The following KLHL13 variants were observed in gnomAD, a reference collection of about 807,000 sequenced individuals.
KLHL13 encodes kelch like family member 13, also known as kelch-like protein 13.
In KLHL13, 10 loss-of-function variants were observed where a neutral mutation model predicts 37.1. That is an observed-to-expected ratio of 0.27 (90% CI 0.17 to 0.46). KLHL13 has a LOEUF of 0.46. Among genes scored for constraint, KLHL13 ranks in the 20% least tolerant of loss-of-function variants. The pLI is 1.00. For missense variants in KLHL13, 360 were observed against 509.3 expected, an observed-to-expected ratio of 0.71 and a Z score of 2.82; for synonymous variants, 163 against 181.2, an observed-to-expected ratio of 0.90 and a Z score of 0.81.
At chrX:117,925,927 G>A (rs1931989131) in intron 2 of KLHL13, among the ~76,000 whole-genome samples, 2 of 110,953 alleles carry the variant, frequency 1.8e-5, no homozygotes, top group South Asian at 3.9e-4. Context: ...CCCCCCAACC[G>A]CCACCTGTCT....
chrX:118,051,402 G>A (rs2054612075), intron 1 of KLHL13, among the ~76,000 whole-genome samples: 1 of 109,037 alleles, frequency 9.2e-6, no homozygotes, highest in Non-Finnish European at 1.9e-5. Context: ...TTGGCCGGGC[G>A]TGGTGGCGGG....
At chrX:118,041,818 GACCATAAAACA>G in intron 1 of KLHL13, among the ~76,000 whole-genome samples, 1 of 111,477 alleles carries the variant, frequency 9.0e-6, no homozygotes, top group Middle Eastern at 4.7e-3. Flanking sequence ...AGGAAGAGAA[GACCATAAAACA>G]ACCAGAAAAC....
At chrX:118,075,307 AT>A (rs1485365739) in intron 1 of KLHL13, among the ~76,000 whole-genome samples, 1 of 111,765 alleles carries the variant, frequency 8.9e-6, no homozygotes, top group African/African-American at 3.2e-5. Flanking sequence ...TCAAAAAAAG[AT>A]TTTTTTATAC....
chrX:118,037,004 C>T (rs1418432402), intron 1 of KLHL13, among the ~76,000 whole-genome samples: 1 of 93,196 alleles, frequency 1.1e-5, no homozygotes, highest in African/African-American at 4.0e-5. Context: ...TGCTCACCAT[C>T]ACTGGCCATC....
intron 2 of KLHL13, among the ~76,000 whole-genome samples, chrX:117,940,920 T>C (rs1347964232): frequency 8.9e-6 from 1 of 111,799 alleles, no homozygotes; most frequent in Non-Finnish European, 1.9e-5. Context: ...CTCTTCCTAT[T>C]TGAATAAACT....
In KLHL13 at chrX:117,955,909, C is replaced by A. The variant is rs148122347; in HGVS notation, c.99-10334G>T. On this transcript the variant is annotated intron_variant, in intron 1 of 6. Transcript: ENST00000262820. ...AAAAAGTCTTCACTGTTACTTACAG[C>A]CCACTCACCTATCTACATATTCACA... is the stretch of plus-strand genomic sequence containing the variant. Among the ~76,000 whole-genome samples the A allele has an allele frequency of 9.9e-5, 11 of 111,532 alleles. No homozygotes were observed. In the South Asian group the frequency reaches 4.1e-3, roughly 42 times the overall value.
At chrX:118,007,811 C>T (rs749846692) in intron 1 of KLHL13, among the ~76,000 whole-genome samples, 1 of 111,594 alleles carries the variant, frequency 9.0e-6, no homozygotes, top group South Asian at 3.8e-4. Context: ...CATAGTATGC[C>T]TATCTGTGGA....
intron 1 of KLHL13, among the ~76,000 whole-genome samples, chrX:117,970,255 T>C (rs1216375932): frequency 8.9e-6 from 1 of 112,114 alleles, no homozygotes; most frequent in Admixed American, 9.5e-5. Flanking sequence ...CGGTAAGTAA[T>C]GATAAAACAT....
In KLHL13 at chrX:118,023,556, TTATTCCCTTCATA is replaced by T. The variant is rs375760555; in HGVS notation, c.-55-77994_-55-77982del. On this transcript the variant is annotated intron_variant, in intron 1 of 6. Coordinates refer to the KLHL13 transcript ENST00000371882. The stretch of plus-strand genomic sequence containing the variant: ...TAAAACTTTCTTAGTCAAAAAGAGT[TTATTCCCTTCATA>T]TATTCCATTTTTCTTTTTTGACGGA... 1.5e-3 allele frequency among the ~76,000 whole-genome samples: 162 copies of T among 111,448 alleles called. 2 individuals are homozygous for T. Among genetic ancestry groups the T allele is most frequent in the African/African-American group, 5.1e-3 (157 of 30,716 alleles).
At position 117,966,190 on chromosome X, in the gene KLHL13, T is replaced by A. The variant is rs190202083; in HGVS notation, c.98+6541A>T. Among the ~76,000 whole-genome samples the A allele has an allele frequency of 7.2e-5, 8 of 110,944 alleles. No homozygotes were observed. In the East Asian group the frequency reaches 2.3e-3, roughly 32 times the overall value. On this transcript the variant is annotated intron_variant, in intron 1 of 6. Transcript: ENST00000262820. ...CAGCCCAAAATCTCCTTCAGCAAAGTCTCCTCCTAACTTCAGCAAAGTCTC... is the reference window on the plus strand; with the variant it reads ...CAGCCCAAAATCTCCTTCAGCAAAGACTCCTCCTAACTTCAGCAAAGTCTC...
At chrX:118,056,278 C>A (rs1411489190) in intron 1 of KLHL13, among the ~76,000 whole-genome samples, 1 of 111,734 alleles carries the variant, frequency 8.9e-6, no homozygotes, top group Non-Finnish European at 1.9e-5. Context: ...TATATTCTGG[C>A]AACTATAAAA....
chrX:117,952,272 T>C (rs1165884598), intron 1 of KLHL13, among the ~76,000 whole-genome samples: 1 of 111,446 alleles, frequency 9.0e-6, no homozygotes, highest in Non-Finnish European at 1.9e-5. Context: ...TATCTGATCT[T>C]TGACAAACTG....
intron 1 of KLHL13, among the ~76,000 whole-genome samples, chrX:118,000,402 A>G (rs1569286513): frequency 8.9e-6 from 1 of 112,092 alleles, no homozygotes; most frequent in Admixed American, 9.5e-5. Flanking sequence ...ACATCCAAAG[A>G]TTATAACCAA....
chrX:118,024,793 T>C (rs768270449), intron 1 of KLHL13, among the ~76,000 whole-genome samples: 9 of 111,846 alleles, frequency 8.0e-5, no homozygotes, highest in Non-Finnish European at 1.7e-4. Flanking sequence ...TACAACTATT[T>C]TCAAAAAACG....
intron 1 of KLHL13, among the ~76,000 whole-genome samples, chrX:118,029,347 G>C (rs1385988730): frequency 1.8e-5 from 2 of 111,805 alleles, no homozygotes; most frequent in African/African-American, 6.5e-5. Context: ...ATATAAGCTA[G>C]AAAGGTATAG....
intron 5 of KLHL13, among the ~76,000 whole-genome samples, chrX:117,903,014 T>C (rs1319481414): frequency 1.8e-5 from 2 of 109,739 alleles, no homozygotes; most frequent in African/African-American, 3.3e-5. Context: ...GTTTATTGAG[T>C]AGGACAATTT....
upstream of KLHL13, among the ~76,000 whole-genome samples, chrX:117,977,510 T>G (rs753790601): frequency 2.0e-4 from 22 of 111,841 alleles, no homozygotes; most frequent in African/African-American, 6.5e-4. Context: ...TTTCCTGATG[T>G]CCCCTAAGAA....
intron 1 of KLHL13, among the ~76,000 whole-genome samples, chrX:118,099,793 C>G (rs1302488584): frequency 1.9e-5 from 2 of 104,576 alleles, no homozygotes; most frequent in African/African-American, 7.1e-5. Context: ...GGTGACAGAG[C>G]CAGACTCTGT....
At chrX:117,918,156 G>A (rs1931480200) in intron 4 of KLHL13, among the ~76,000 whole-genome samples, 1 of 111,544 alleles carries the variant, frequency 9.0e-6, no homozygotes, top group African/African-American at 3.3e-5. Flanking sequence ...GACAATACAA[G>A]TCAACAATAT....
Sources: allele counts gnomAD v4.1 joint callset (sites outside exome capture counted in the v4.1 genomes callset), GRCh38; gene constraint gnomAD v4.1.1; transcripts MANE v1.5; gene names NCBI Gene and HGNC (gene_info 2026-07-23, HGNC 2026-07-21).